The following CDC73 variants were observed in gnomAD, a reference collection of about 807,000 sequenced individuals.
CDC73 encodes the protein parafibromin.
In CDC73, 21 loss-of-function variants were observed where a neutral mutation model predicts 83.7. That is an observed-to-expected ratio of 0.25 (90% CI 0.18 to 0.36). The LOEUF (loss-of-function observed/expected upper bound fraction) is 0.36. CDC73 is among the 10% of genes least tolerant of loss of function. The probability of loss-of-function intolerance (pLI) is 1.00; values close to 1 mark genes in which losing one functional copy is unlikely to be tolerated. For synonymous variants in CDC73, 224 were observed against 212.9 expected (o/e 1.05, Z -0.45); for missense variants, 342 against 653.3 (o/e 0.52, Z 5.19).
At chr1:193,124,772 C>A (rs1332197512) in intron 1 of CDC73, among the ~76,000 whole-genome samples, 1 of 152,172 alleles carries the variant, frequency 6.6e-6, no homozygotes, top group Non-Finnish European at 1.5e-5. Context: ...TTCTTCTAAG[C>A]AGTGTAATTG....
chr1:193,138,242 T>G, intron 6 of CDC73, 69 bp downstream of exon 6: 1 of 1,010,876 alleles, frequency 9.9e-7, no homozygotes, highest in Non-Finnish European at 1.6e-6. Flanking sequence ...AAAGGAATAT[T>G]AAAATGCTCT....
intron 13 of CDC73, among the ~76,000 whole-genome samples, chr1:193,217,639 C>T (rs566715616): frequency 1.4e-4 from 21 of 151,968 alleles, no homozygotes; most frequent in Non-Finnish European, 2.4e-4. Flanking sequence ...CTCCTTTTGA[C>T]GTCTGGCCAC....
chr1:193,224,071 G>A (rs932028385), intron 13 of CDC73, among the ~76,000 whole-genome samples: 8 of 151,762 alleles, frequency 5.3e-5, no homozygotes, highest in African/African-American at 1.9e-4. Context: ...TAGTCACTCT[G>A]CTGATTTATT....
chr1:193,237,603 G>A (rs1319829655), intron 15 of CDC73, among the ~76,000 whole-genome samples: 1 of 152,112 alleles, frequency 6.6e-6, no homozygotes, highest in African/African-American at 2.4e-5. Flanking sequence ...GGTAGGGGTG[G>A]CGGGTTGGAG....
intron 10 of CDC73, among the ~76,000 whole-genome samples, chr1:193,167,406 A>G (rs923660285): frequency 1.3e-5 from 2 of 152,170 alleles, no homozygotes; most frequent in Admixed American, 6.5e-5. Context: ...GGTATTAGTA[A>G]CATGTTAACA....
chr1:193,220,981 A>C (rs558770983), intron 13 of CDC73, among the ~76,000 whole-genome samples: 1 of 152,262 alleles, frequency 6.6e-6, no homozygotes, highest in Admixed American at 6.5e-5. Flanking sequence ...CATGATTTAT[A>C]ATCTGAAATA....
intron 6 of CDC73, among the ~76,000 whole-genome samples, chr1:193,140,127 A>G (rs1479906174): frequency 6.6e-6 from 1 of 152,110 alleles, no homozygotes; most frequent in East Asian, 1.9e-4. Context: ...TTCTCCTCCC[A>G]AGGCCATGTC....
intron 6 of CDC73, 122 bp from the exon 7 acceptor site, chr1:193,141,728 A>C: frequency 4.3e-6 from 3 of 697,362 alleles, no homozygotes; most frequent in Non-Finnish European, 7.6e-6. Flanking sequence ...CTTACAGATA[A>C]GAAAACCTTA....
chr1:193,133,375 ATC>A (rs1321102948), intron 3 of CDC73, among the ~76,000 whole-genome samples: 1 of 152,212 alleles, frequency 6.6e-6, no homozygotes, highest in Non-Finnish European at 1.5e-5. Flanking sequence ...CTCAATAAGA[ATC>A]TCTAGTTTTT....
chr1:193,202,799 C>G (rs1056610309), intron 10 of CDC73, among the ~76,000 whole-genome samples: 2 of 151,696 alleles, frequency 1.3e-5, no homozygotes, highest in African/African-American at 4.8e-5. Flanking sequence ...TTAAAAATGC[C>G]ATGGGATAGC....
intron 10 of CDC73, 84 bp downstream of exon 10, chr1:193,152,528 A>C: frequency 1.1e-6 from 1 of 892,006 alleles, no homozygotes; most frequent in Non-Finnish European, 1.9e-6. Flanking sequence ...TTAGTCTCTC[A>C]TATTTTTTAT....
chr1:193,159,148 T>G (rs1188895888), intron 10 of CDC73, among the ~76,000 whole-genome samples: 1 of 152,164 alleles, frequency 6.6e-6, no homozygotes, highest in Non-Finnish European at 1.5e-5. Context: ...GGGCAGATAA[T>G]GTTCTGGTTA....
chr1:193,250,314 C>G (rs771664852), intron 16 of CDC73, among the ~76,000 whole-genome samples: 10 of 151,734 alleles, frequency 6.6e-5, no homozygotes, highest in Admixed American at 2.6e-4. Flanking sequence ...TCATAAAGCC[C>G]TTTACATTAA....
intron 10 of CDC73, among the ~76,000 whole-genome samples, chr1:193,193,565 C>T (rs1375303573): frequency 6.6e-6 from 1 of 151,978 alleles, no homozygotes; most frequent in Non-Finnish European, 1.5e-5. Flanking sequence ...AATAGAATTG[C>T]TGAGTTTTAG....
chr1:193,124,413 A>G (rs189622952), intron 1 of CDC73, among the ~76,000 whole-genome samples: 2 of 152,326 alleles, frequency 1.3e-5, no homozygotes, highest in East Asian at 1.9e-4. Flanking sequence ...AAATGGGACT[A>G]GAAGGTAGAA....
At chr1:193,248,571 T>C (rs181801978) in intron 15 of CDC73, among the ~76,000 whole-genome samples, 66 of 152,204 alleles carry the variant, frequency 4.3e-4, no homozygotes, top group African/African-American at 1.3e-3. Flanking sequence ...TTGAAACTTT[T>C]TAATTTAATA....
intron 2 of CDC73, among the ~76,000 whole-genome samples, chr1:193,126,227 A>G (rs1290645040): frequency 6.6e-6 from 1 of 152,238 alleles, no homozygotes; most frequent in Admixed American, 6.5e-5. Flanking sequence ...TGTAAGGATT[A>G]AGATTAGCAG....
intron 8 of CDC73, 125 bp downstream of exon 8, chr1:193,148,090 A>G (rs1347479063): frequency 4.1e-6 from 3 of 732,098 alleles, no homozygotes; most frequent in South Asian, 3.0e-5. Flanking sequence ...CTCCTTTAGC[A>G]TATCTGAAAG....
At chr1:193,192,522 G>A (rs1312028508) in intron 10 of CDC73, among the ~76,000 whole-genome samples, 1 of 152,184 alleles carries the variant, frequency 6.6e-6, no homozygotes, top group Admixed American at 6.5e-5. Flanking sequence ...TTTGAAGAAA[G>A]AAGGGAACAT....
Sources: gnomAD v4.1 joint callset for allele counts (sites outside exome capture counted in the v4.1 genomes callset) on GRCh38, gnomAD v4.1.1 for gene constraint, MANE v1.5 for transcripts, NCBI Gene and HGNC (gene_info 2026-07-23, HGNC 2026-07-21) for gene names.